CYP2R1: variants seen among roughly 807,000 people sequenced by gnomAD.
CYP2R1 encodes cytochrome P450 family 2 subfamily R member 1.
CYP2R1 carries 40 observed loss-of-function variants against 45.7 expected under a neutral mutation model. The ratio of observed to expected loss-of-function variants is 0.87; its 90% CI spans 0.68 to 1.14. The LOEUF (loss-of-function observed/expected upper bound fraction) is 1.14. Among genes scored for constraint, CYP2R1 ranks in the 50% most tolerant of loss-of-function variants. The pLI, the probability that CYP2R1 is intolerant of heterozygous loss-of-function variation, is 0.00. For missense variants in CYP2R1, 605 were observed against 602.6 expected (o/e 1.00, Z -0.04); for synonymous variants, 234 against 219.3 (o/e 1.07, Z -0.59).
chr11:14,892,260 T>C (rs1555017540), upstream of CYP2R1: 5 of 1,524,126 alleles, frequency 3.3e-6, no homozygotes, highest in East Asian at 2.3e-5. Flanking sequence ...AGGCACTCCC[T>C]CCAGCCCTGC....
chr11:14,879,990 CT>C, intron 3 of CYP2R1, 145 bp downstream of exon 3: 2 of 797,416 alleles, frequency 2.5e-6, no homozygotes, highest in Non-Finnish European at 1.9e-6. Context: ...TTTGAAAACT[CT>C]TTTTTGTAAC....
intron 4 of CYP2R1, among the ~76,000 whole-genome samples, chr11:14,878,618 A>G (rs1848248937): frequency 6.6e-6 from 1 of 152,166 alleles, no homozygotes; most frequent in Non-Finnish European, 1.5e-5. Flanking sequence ...GCTCAAGAAC[A>G]GTCCACTTCA....
At chr11:14,891,854 G>A in intron 1 of CYP2R1, 127 bp downstream of exon 1, 1 of 1,410,778 alleles carries the variant, frequency 7.1e-7, no homozygotes, top group Non-Finnish European at 9.4e-7. Flanking sequence ...TCCCTCAAAG[G>A]GCAGCCGGCA....
At chr11:14,882,803 TCTC>T (rs1395375621) in intron 2 of CYP2R1, among the ~76,000 whole-genome samples, 1 of 152,106 alleles carries the variant, frequency 6.6e-6, no homozygotes, top group African/African-American at 2.4e-5. Flanking sequence ...CAGCCCAAAA[TCTC>T]CTTAAGCTGA....
At chr11:14,892,344 A>G (rs879963666), upstream of CYP2R1, 11 of 803,958 alleles carry the variant, frequency 1.4e-5, no homozygotes, top group Non-Finnish European at 2.2e-5. Context: ...GTGAGCGCTC[A>G]GGCCCCTTCG....
chr11:14,891,467 C>A (rs965509881), intron 1 of CYP2R1: 6 of 986,612 alleles, frequency 6.1e-6, no homozygotes, highest in Non-Finnish European at 7.2e-6. Flanking sequence ...CGTTCCCCTG[C>A]ATTCTCCATT....
At position 14,885,837 on chromosome 11, in the gene CYP2R1, T is replaced by C. The variant is rs942538897; in HGVS notation, c.306A>G (p.Gln102=). The part of the protein sequence containing the change: ...YDVVKECLVH[Q]SEIFADRPCL... The stretch of plus-strand genomic sequence containing the variant: ...ATGGTCTGTCTGCAAAAATTTCGCT[T>C]TGATGAACAAGGCATTCCTTTACTA... Residue 102 remains glutamine (Q), a synonymous_variant, in exon 2 of 5, where the codon CAA becomes CAG. Transcript: ENST00000334636. The C allele has an allele frequency of 3.1e-6, 5 of 1,613,526 alleles. No individual in the cohort carries two copies. The highest frequency in any genetic ancestry group is 4.2e-6 in the Non-Finnish European group (5 of 1,179,798).
intron 2 of CYP2R1, among the ~76,000 whole-genome samples, chr11:14,884,864 C>A (rs1358169647): frequency 6.6e-6 from 1 of 151,894 alleles, no homozygotes; most frequent in African/African-American, 2.4e-5. Context: ...TCATTTTCAT[C>A]ATCTTTTTAA....
At position 14,880,095 on chromosome 11, in the gene CYP2R1, C is replaced by A. The variant is rs782221008; in HGVS notation, c.1000+41G>T. On this transcript the variant is annotated intron_variant, in intron 3 of 4. Transcript: ENST00000334636. Reference sequence around the variant, plus strand: ...GACTCAAAAACATGTATGAACCCTACATGTAAGGATAGACCCTGAGATCAT... The same window carrying A: ...GACTCAAAAACATGTATGAACCCTAAATGTAAGGATAGACCCTGAGATCAT... 3.7e-6 allele frequency: 6 copies of A among 1,606,796 alleles called. No homozygotes were observed. The Admixed American group carries it at 1.0e-4, about 27-fold the overall frequency.
upstream of CYP2R1, chr11:14,892,399 G>C (rs1397882512): frequency 3.2e-6 from 2 of 620,226 alleles, no homozygotes; most frequent in Non-Finnish European, 5.7e-6. Flanking sequence ...TGGACTTTGC[G>C]GAGCGGGTGG....
At chr11:14,891,714 G>C (rs1848865277) in intron 1 of CYP2R1, 2 of 1,261,804 alleles carry the variant, frequency 1.6e-6, no homozygotes, top group Non-Finnish European at 2.0e-6. Flanking sequence ...AGCTCGAGCG[G>C]TAGCGGGAAA....
At chr11:14,884,662 C>G (rs1848538553) in intron 2 of CYP2R1, among the ~76,000 whole-genome samples, 1 of 150,562 alleles carries the variant, frequency 6.6e-6, no homozygotes, top group African/African-American at 2.5e-5. Flanking sequence ...GCACCTGTAC[C>G]CTAAAACTTA....
chr11:14,892,324 G>T, upstream of CYP2R1: 1 of 964,934 alleles, frequency 1.0e-6, no homozygotes, highest in Non-Finnish European at 1.6e-6. Context: ...CGTGGCCATT[G>T]GCTGACTGAG....
At chr11:14,880,829 G>A in intron 2 of CYP2R1, 61 bp from the exon 3 acceptor site, 1 of 1,505,106 alleles carries the variant, frequency 6.6e-7, no homozygotes, top group Admixed American at 2.3e-5. Context: ...AAAATGAAAG[G>A]GAACAAAATT....
At position 14,892,028 on chromosome 11, in the gene CYP2R1, C is replaced by T. The variant is rs782709397; in HGVS notation, c.178G>A (p.Glu60Lys). Residue 60 changes from glutamate (E) to lysine (K), a missense_variant, in exon 1 of 5, where the codon GAG becomes AAG. Transcript: ENST00000334636. ...GNIYSLAASS[E>K]LPHVYMRKQS... Reference sequence around the variant, plus strand: ...TTTCTCATGTAGACATGGGGAAGCTCGGATGAGGCTGCCAGGGAATAGATG... The same window carrying T: ...TTTCTCATGTAGACATGGGGAAGCTTGGATGAGGCTGCCAGGGAATAGATG... The T allele has an allele frequency of 6.2e-7, 1 of 1,613,266 alleles. No homozygotes were observed. Among genetic ancestry groups the T allele is most frequent in the Non-Finnish European group, 8.5e-7 (1 of 1,179,710 alleles).
intron 4 of CYP2R1, among the ~76,000 whole-genome samples, chr11:14,878,767 G>C (rs1382585865): frequency 6.6e-6 from 1 of 152,086 alleles, no homozygotes; most frequent in Non-Finnish European, 1.5e-5. Flanking sequence ...AGCCAAGAGA[G>C]TGAGATTCTA....
In CYP2R1 at chr11:14,880,363, G is replaced by C; in HGVS notation, c.773C>G (p.Ser258Cys). The C allele has an allele frequency of 1.2e-6, 2 of 1,613,370 alleles. No homozygotes were observed. The highest frequency in any genetic ancestry group is 1.7e-6 in the Non-Finnish European group (2 of 1,179,620). ...RNAAVVYDFLSRLIEKASVNR... is the reference protein window; with the variant it reads ...RNAAVVYDFLCRLIEKASVNR... Reference sequence around the variant, plus strand: ...GACTGAAGCTTTTTCAATGAGTCTGGAGAGAAAATCATAGACTACAGCTGC... The same window carrying C: ...GACTGAAGCTTTTTCAATGAGTCTGCAGAGAAAATCATAGACTACAGCTGC... The change falls in exon 3 of 5, where the codon TCC (serine) becomes TGC (cysteine). Residue 258 changes from serine (S) to cysteine (C), a missense_variant. Ser to Cys is a moderately radical substitution (Grantham distance 112, BLOSUM62 -1). Coordinates refer to ENST00000334636, the MANE Select transcript of CYP2R1 (RefSeq NM_024514.5).
At position 14,879,409 on chromosome 11, in the gene CYP2R1, G is replaced by A. The variant is rs1848333510; in HGVS notation, c.1035C>T (p.Gly345=). The A allele has an allele frequency of 6.2e-7, 1 of 1,605,630 alleles. No individual in the cohort carries two copies. Among genetic ancestry groups the A allele is most frequent in the Non-Finnish European group, 8.5e-7 (1 of 1,179,278 alleles). The change falls in exon 4 of 5, where the codon GGC becomes GGT. Residue 345 remains glycine (G), a synonymous_variant. Transcript: ENST00000334636. The part of the protein sequence containing the change: ...QVQKEIDLIM[G]PNGKPSWDDK... ...CGTCCCAAGAAGGCTTCCCATTAGG[G>A]CCCATAATTAAATCAATCTCTTTCT...
intron 1 of CYP2R1, chr11:14,891,711 G>C: frequency 8.0e-7 from 1 of 1,251,032 alleles, no homozygotes. Flanking sequence ...AAGAGCTCGA[G>C]CGGTAGCGGG....
Sources: gnomAD v4.1 joint callset for allele counts (sites outside exome capture counted in the v4.1 genomes callset) on GRCh38, gnomAD v4.1.1 for gene constraint, MANE v1.5 for transcripts, NCBI Gene and HGNC (gene_info 2026-07-23, HGNC 2026-07-21) for gene names.